FILIP1: variants seen among roughly 807,000 people sequenced by gnomAD.
FILIP1 encodes filamin A interacting protein 1, also known as filamin-A-interacting protein 1.
In FILIP1, 61 loss-of-function variants were observed where a neutral mutation model predicts 102.1. The observed-to-expected ratio is 0.60, with a 90% CI of 0.49 to 0.74. The LOEUF (loss-of-function observed/expected upper bound fraction) is 0.74, where lower values mean the gene tolerates loss of function less well. Ranked by LOEUF, FILIP1 falls within the 30% of genes least tolerant of loss-of-function variation. FILIP1 has a pLI of 0.00. For synonymous variants in FILIP1, 491 were observed against 526.9 expected, an observed-to-expected ratio of 0.93 and a Z score of 0.93; for missense variants, 1,314 against 1,441.2, an observed-to-expected ratio of 0.91 and a Z score of 1.43.
intron 6 of FILIP1, among the ~76,000 whole-genome samples, chr6:75,297,311 C>T (rs1772708802): frequency 6.6e-6 from 1 of 152,146 alleles, no homozygotes. Flanking sequence ...TAATTACACA[C>T]AGTGCATGAT....
At chr6:75,328,084 T>C (rs895780798) in intron 4 of FILIP1, among the ~76,000 whole-genome samples, 1 of 152,162 alleles carries the variant, frequency 6.6e-6, no homozygotes, top group Non-Finnish European at 1.5e-5. Flanking sequence ...AATTGCAAGA[T>C]AAAATGGGAG....
At chr6:75,292,816 A>G (rs1031253416) in exon 7 of FILIP1, 8 of 152,332 alleles carry the variant, frequency 5.3e-5, no homozygotes, top group African/African-American at 1.9e-4. Flanking sequence ...GGAAAACTCA[A>G]CCACAGCATT....
intron 5 of FILIP1, among the ~76,000 whole-genome samples, chr6:75,312,111 A>G (rs947547358): frequency 4.6e-5 from 7 of 152,206 alleles, no homozygotes; most frequent in Non-Finnish European, 8.8e-5. Context: ...TCTGATTACT[A>G]TATGCTACCA....
chr6:75,479,213 G>A (rs1582566784), intron 1 of FILIP1, among the ~76,000 whole-genome samples: 1 of 152,060 alleles, frequency 6.6e-6, no homozygotes, highest in East Asian at 1.9e-4. Flanking sequence ...GAGAACAATA[G>A]GAGGAAGAAA....
chr6:75,305,284 C>A (rs1026089691), downstream of FILIP1, among the ~76,000 whole-genome samples: 1 of 152,174 alleles, frequency 6.6e-6, no homozygotes, highest in Non-Finnish European at 1.5e-5. Context: ...TTTTTCCCAA[C>A]AAGGAAAGTC....
intron 1 of FILIP1, among the ~76,000 whole-genome samples, chr6:75,417,511 G>C (rs971913493): frequency 6.6e-6 from 1 of 152,112 alleles, no homozygotes; most frequent in Non-Finnish European, 1.5e-5. Flanking sequence ...ATTTTGGAGG[G>C]GGAAAACATC....
At position 75,466,124 on chromosome 6, in the gene FILIP1, C is replaced by T. The variant is rs549859523; in HGVS notation, c.-7+27290G>A. Among the ~76,000 whole-genome samples the T allele has an allele frequency of 1.7e-3, 260 of 152,332 alleles. 1 individual carries two copies. Among genetic ancestry groups the T allele is most frequent in the Non-Finnish European group, 3.1e-3 (210 of 68,024 alleles). Reference sequence around the variant, plus strand: ...CATTACCTGCTCCACGAGGCATTCCCTGACCATCCTATTTAAAATTATAAT... The same window carrying T: ...CATTACCTGCTCCACGAGGCATTCCTTGACCATCCTATTTAAAATTATAAT... On this transcript the variant is annotated intron_variant, in intron 1 of 5. Transcript: ENST00000237172.
At chr6:75,361,651 C>T (rs190049820) in intron 3 of FILIP1, among the ~76,000 whole-genome samples, 3 of 152,172 alleles carry the variant, frequency 2.0e-5, no homozygotes, top group Non-Finnish European at 4.4e-5. Context: ...TTTATAGGCA[C>T]TGCTTTATTA....
At chr6:75,476,808 CA>C (rs1297757846) in intron 1 of FILIP1, among the ~76,000 whole-genome samples, 1 of 152,088 alleles carries the variant, frequency 6.6e-6, no homozygotes, top group Non-Finnish European at 1.5e-5. Context: ...CACCAAATTC[CA>C]AAATAGAAAA....
chr6:75,438,547 A>G lies in FILIP1; in HGVS notation c.-6-23569T>C, dbSNP rs114507806. Among the ~76,000 whole-genome samples, 516 of 152,284 alleles carry G rather than the reference A, an allele frequency of 3.4e-3. 7 individuals are homozygous for G. The highest frequency in any genetic ancestry group is 0.012 in the African/African-American group (497 of 41,550). ...AAACTGCTTGAGGGCAAAAACTATCAAATTCACTCTTGTAACCCCTGCAGC... is the reference window on the plus strand; with the variant it reads ...AAACTGCTTGAGGGCAAAAACTATCGAATTCACTCTTGTAACCCCTGCAGC... On this transcript the variant is annotated intron_variant, in intron 1 of 5. Transcript: ENST00000237172.
intron 1 of FILIP1, among the ~76,000 whole-genome samples, chr6:75,486,685 T>A (rs1302128998): frequency 1.3e-5 from 2 of 152,150 alleles, no homozygotes; most frequent in African/African-American, 4.8e-5. Flanking sequence ...ATTTATAACC[T>A]CATTTTCCTA....
At chr6:75,441,291 G>A (rs1778209659) in intron 1 of FILIP1, among the ~76,000 whole-genome samples, 1 of 152,028 alleles carries the variant, frequency 6.6e-6, no homozygotes, top group African/African-American at 2.4e-5. Flanking sequence ...GAGAGCACAG[G>A]GTTGGGGATA....
intron 2 of FILIP1, among the ~76,000 whole-genome samples, chr6:75,384,103 C>G (rs1161562506): frequency 6.6e-6 from 1 of 152,044 alleles, no homozygotes. Context: ...ATTTTTATGT[C>G]CGTCTTTCAG....
At chr6:75,443,289 T>C (rs1778334835) in intron 1 of FILIP1, among the ~76,000 whole-genome samples, 1 of 152,222 alleles carries the variant, frequency 6.6e-6, no homozygotes, top group Non-Finnish European at 1.5e-5. Context: ...AATCACATAT[T>C]TTTAAATGTT....
In FILIP1 at chr6:75,475,242, T is replaced by C. The variant is rs572056474; in HGVS notation, c.-7+18172A>G. Among the ~76,000 whole-genome samples, 4 of 152,296 alleles carry C rather than the reference T, an allele frequency of 2.6e-5. No individual in the cohort carries two copies. In the East Asian group the frequency reaches 7.7e-4, roughly 29 times the overall value. On this transcript the variant is annotated intron_variant, in intron 1 of 5. Coordinates refer to ENST00000237172, the MANE Select transcript of FILIP1 (RefSeq NM_015687.5). ...GCTTATTTGAATTATAAATCACACA[T>C]AGTCTGGGCTGGTCAGTGAAGTAGT...
chr6:75,420,355 T>A (rs1777415495), intron 1 of FILIP1, among the ~76,000 whole-genome samples: 1 of 152,062 alleles, frequency 6.6e-6, no homozygotes, highest in Non-Finnish European at 1.5e-5. Flanking sequence ...AGAAATCTTT[T>A]AAAATTAGCA....
At chr6:75,361,490 T>A (rs1202531009) in intron 3 of FILIP1, among the ~76,000 whole-genome samples, 1 of 152,210 alleles carries the variant, frequency 6.6e-6, no homozygotes, top group African/African-American at 2.4e-5. Flanking sequence ...AACAAATACA[T>A]GTTTTTGACC....
chr6:75,449,436 C>G (rs1230944700), intron 1 of FILIP1, among the ~76,000 whole-genome samples: 1 of 152,016 alleles, frequency 6.6e-6, no homozygotes, highest in African/African-American at 2.4e-5. Context: ...AGAACTTATT[C>G]ATGTAAGCAA....
At chr6:75,471,927 A>G (rs1779343640) in intron 1 of FILIP1, among the ~76,000 whole-genome samples, 2 of 151,646 alleles carry the variant, frequency 1.3e-5, no homozygotes, top group South Asian at 4.1e-4. Flanking sequence ...TAGAGAGAAG[A>G]CTAAGATAGG....
Sources: gnomAD v4.1 joint callset for allele counts (sites outside exome capture counted in the v4.1 genomes callset) on GRCh38, gnomAD v4.1.1 for gene constraint, MANE v1.5 for transcripts, NCBI Gene and HGNC (gene_info 2026-07-23, HGNC 2026-07-21) for gene names.